The following DIP2C variants were observed in gnomAD, a reference collection of about 807,000 sequenced individuals.
DIP2C encodes the protein DIP2 acetate--CoA ligase C (putative).
A neutral mutation model predicts 192.4 loss-of-function variants in DIP2C; 33 were observed. The observed-to-expected ratio is 0.17, with a 90% CI of 0.13 to 0.23. DIP2C has a LOEUF of 0.23. Ranked by LOEUF, DIP2C falls within the 10% of genes least tolerant of loss-of-function variation. The probability of loss-of-function intolerance (pLI) is 1.00; values close to 1 mark genes in which losing one functional copy is unlikely to be tolerated. For missense variants in DIP2C, 1,537 were observed against 2,110.1 expected (o/e 0.73, Z 5.32); for synonymous variants, 979 against 864.1 (o/e 1.13, Z -2.33).
intron 1 of DIP2C, among the ~76,000 whole-genome samples, chr10:619,381 C>T (rs540542564): frequency 6.6e-6 from 1 of 152,362 alleles, no homozygotes; most frequent in Non-Finnish European, 1.5e-5. Flanking sequence ...GCGACCGTCT[C>T]CTTGCCTCCC....
At chr10:617,939 G>A (rs911987799) in intron 1 of DIP2C, among the ~76,000 whole-genome samples, 1 of 152,164 alleles carries the variant, frequency 6.6e-6, no homozygotes, top group Non-Finnish European at 1.5e-5. Context: ...CTGCACTGCA[G>A]GTGTGACAAT....
rs527528403 is a variant in DIP2C at position 562,978 on chromosome 10, C to T, written c.86-76448G>A. ...GACGTGTGCAACCTTATAAAGTCTA[C>T]TGCCTTGCAGAATCCTCCTAGCTGA... On this transcript the variant is annotated intron_variant, in intron 1 of 36. Coordinates refer to ENST00000280886, the MANE Select transcript of DIP2C (RefSeq NM_014974.3). Among the ~76,000 whole-genome samples, 6 of 152,376 alleles carry T rather than the reference C, an allele frequency of 3.9e-5. No individual in the cohort carries two copies. In the East Asian group the frequency reaches 7.7e-4, roughly 20 times the overall value.
intron 29 of DIP2C, among the ~76,000 whole-genome samples, chr10:330,812 ATTTTT>A (rs56343363): frequency 3.7e-5 from 5 of 133,400 alleles, no homozygotes; most frequent in South Asian, 2.5e-4. Context: ...AACCTACACA[ATTTTT>A]TTTTTTTTTT....
intron 1 of DIP2C, among the ~76,000 whole-genome samples, chr10:643,200 A>T (rs1855288198): frequency 6.9e-6 from 1 of 144,284 alleles, no homozygotes; most frequent in Non-Finnish European, 1.5e-5. Flanking sequence ...CCTGGGCAAC[A>T]GAGTGAGACT....
chr10:610,212 GCA>G (rs1201031766), intron 1 of DIP2C, among the ~76,000 whole-genome samples: 5 of 152,194 alleles, frequency 3.3e-5, no homozygotes, highest in Non-Finnish European at 7.3e-5. Context: ...AACGAGCCAA[GCA>G]CAGAAAGAAA....
chr10:324,767 T>C, intron 31 of DIP2C: 1 of 373,220 alleles, frequency 2.7e-6, no homozygotes, highest in South Asian at 2.1e-5. Flanking sequence ...TCATTCAATA[T>C]CCACCACGTG....
At chr10:279,120 C>T (rs952381115) in intron 36 of DIP2C, among the ~76,000 whole-genome samples, 6 of 152,090 alleles carry the variant, frequency 3.9e-5, no homozygotes, top group African/African-American at 1.4e-4. Context: ...CTCAACAGTT[C>T]TCCTGGATTT....
chr10:668,984 G>GAC (rs1588731137), intron 1 of DIP2C: 1 of 152,192 alleles, frequency 6.6e-6, no homozygotes, highest in Non-Finnish European at 1.5e-5. Context: ...CTCGGGGGGC[G>GAC]ACACACACTC....
At chr10:374,891 C>T (rs1961386663) in intron 17 of DIP2C, among the ~76,000 whole-genome samples, 1 of 152,138 alleles carries the variant, frequency 6.6e-6, no homozygotes, top group Non-Finnish European at 1.5e-5. Flanking sequence ...AGGTATCCGC[C>T]CATTCATCAA....
intron 1 of DIP2C, among the ~76,000 whole-genome samples, chr10:646,408 C>T (rs1033836276): frequency 1.3e-5 from 2 of 152,260 alleles, no homozygotes; most frequent in East Asian, 1.9e-4. Context: ...CCACCCGCCT[C>T]GACTCCCCCA....
At chr10:530,723 C>T (rs1270978914) in intron 1 of DIP2C, among the ~76,000 whole-genome samples, 1 of 149,016 alleles carries the variant, frequency 6.7e-6, no homozygotes, top group South Asian at 2.2e-4. Flanking sequence ...CAATAAATTA[C>T]TATGTCAACA....
At chr10:357,761 C>T (rs1959159381) in intron 23 of DIP2C, 67 bp downstream of exon 23, 5 of 1,248,218 alleles carry the variant, frequency 4.0e-6, no homozygotes, top group East Asian at 4.7e-5. Flanking sequence ...CGGGGATGGT[C>T]GCAGATGGTC....
intron 1 of DIP2C, among the ~76,000 whole-genome samples, chr10:609,051 T>C (rs1852881640): frequency 6.6e-6 from 1 of 152,010 alleles, no homozygotes; most frequent in African/African-American, 2.4e-5. Flanking sequence ...AGTATAGTCA[T>C]ATAAACAAAA....
intron 24 of DIP2C, among the ~76,000 whole-genome samples, chr10:352,208 A>C (rs1215335828): frequency 6.6e-6 from 1 of 152,252 alleles, no homozygotes; most frequent in Non-Finnish European, 1.5e-5. Flanking sequence ...GTTTGCCCAC[A>C]TTCTGGGTCC....
chr10:527,571 A>G lies in DIP2C; in HGVS notation c.86-41041T>C, dbSNP rs372696747. Among the ~76,000 whole-genome samples the G allele has an allele frequency of 3.3e-5, 5 of 152,362 alleles. 1 individual carries two copies. Among genetic ancestry groups the G allele is most frequent in the South Asian group, 4.1e-4 (2 of 4,826 alleles). On this transcript the variant is annotated intron_variant, in intron 1 of 36. Transcript: ENST00000280886. ...TTCCACCAAATGGAACCGATTACAA[A>G]TGTACTACAGAGTGTCAAATAACCA...
At chr10:384,700 C>CA in intron 14 of DIP2C, 61 bp from the exon 15 acceptor site, 1 of 1,553,064 alleles carries the variant, frequency 6.4e-7, no homozygotes, top group Non-Finnish European at 8.9e-7. Flanking sequence ...GAGCAGCTCT[C>CA]ACCCAGTGGC....
At chr10:463,532 G>T (rs1969959858) in intron 3 of DIP2C, among the ~76,000 whole-genome samples, 3 of 152,250 alleles carry the variant, frequency 2.0e-5, no homozygotes, top group Non-Finnish European at 4.4e-5. Context: ...CATGCTCATG[G>T]ATAGGAAGAA....
intron 1 of DIP2C, among the ~76,000 whole-genome samples, chr10:624,413 C>G (rs1854069003): frequency 6.6e-6 from 1 of 152,232 alleles, no homozygotes; most frequent in Admixed American, 6.5e-5. Context: ...AAAACACAAG[C>G]ACAGCCTGAG....
intron 1 of DIP2C, among the ~76,000 whole-genome samples, chr10:591,393 G>A (rs547086120): frequency 2.6e-5 from 4 of 152,254 alleles, no homozygotes; most frequent in East Asian, 1.9e-4. Flanking sequence ...TCAAAGTGCC[G>A]GGATTACAGG....
Sources: gnomAD v4.1 joint callset for allele counts (sites outside exome capture counted in the v4.1 genomes callset) on GRCh38, gnomAD v4.1.1 for gene constraint, MANE v1.5 for transcripts, NCBI Gene and HGNC (gene_info 2026-07-23, HGNC 2026-07-21) for gene names.